Variants in SSX2IP observed in about 807,000 individuals in gnomAD.
SSX2IP encodes afadin- and alpha-actinin-binding protein.
Under a neutral mutation model 84.9 loss-of-function variants are expected in SSX2IP, and 55 were observed. The observed-to-expected ratio is 0.65, with a 90% CI of 0.52 to 0.81. The LOEUF is 0.81. Among genes scored for constraint, SSX2IP ranks in the 30% least tolerant of loss-of-function variants. The probability of loss-of-function intolerance (pLI) is 0.00; values close to 1 mark genes in which losing one functional copy is unlikely to be tolerated. For synonymous variants in SSX2IP, 239 were observed against 234.7 expected (o/e 1.02, Z -0.17); for missense variants, 664 against 705.2 (o/e 0.94, Z 0.66).
Position 84,669,749 on chromosome 1 carries a change from C to A in SSX2IP, c.358G>T (p.Val120Leu), listed in dbSNP as rs186834050. Residue 120 changes from valine to leucine, a missense_variant, in exon 4 of 14, where the codon GTG becomes TTG. Physicochemically the swap from Val to Leu is conservative, Grantham distance 32. Transcript: ENST00000342203. ...CCCAGCTTCAAATTCTGTGTCTCCA[C>A]ATTTTCCTGAGCTAGAAGGTTCTTC... ...QRKNLLAQEN[V>L]ETQNLKLGSD... The A allele has an allele frequency of 1.9e-6, 3 of 1,613,860 alleles. No individual in the cohort carries two copies. The highest frequency in any genetic ancestry group is 2.5e-6 in the Non-Finnish European group (3 of 1,179,804).
In SSX2IP at chr1:84,666,182, G is replaced by C. The variant is rs1202064069; in HGVS notation, c.477C>G (p.Asp159Glu). ...TCCTGTTCTTACATTGTAACTGTCT[G>C]TCTCTTTCCTGAAGCCCAATCATTT... is the stretch of plus-strand genomic sequence containing the variant. ...RREMIGLQER[D>E]RQLQCKNRNL... The change falls in exon 5 of 14, where the codon GAC becomes GAG. Residue 159 changes from aspartate (D) to glutamate (E), a missense_variant. Transcript: ENST00000342203. 5 of 1,612,904 alleles carry C rather than the reference G, an allele frequency of 3.1e-6. No individual in the cohort carries two copies. In the South Asian group the frequency reaches 3.3e-5, roughly 11 times the overall value.
chr1:84,682,783 G>C (rs1037226844), intron 1 of SSX2IP, among the ~76,000 whole-genome samples: 7 of 152,126 alleles, frequency 4.6e-5, no homozygotes, highest in Admixed American at 2.0e-4. Context: ...TTACAGGTGT[G>C]AGCCATCACG....
intron 1 of SSX2IP, among the ~76,000 whole-genome samples, chr1:84,682,448 T>C (rs1268375356): frequency 6.6e-6 from 1 of 152,130 alleles, no homozygotes; most frequent in Non-Finnish European, 1.5e-5. Context: ...ACATTTCTCA[T>C]AGGACCCAAT....
chr1:84,650,424 A>C lies in SSX2IP; in HGVS notation c.1608T>G (p.Ser536=). Reference sequence around the variant, plus strand: ...CTGAAGTGGAAGGTGAAGCAGGAAGAGATTTAGTAAGTTTAGACATGCAAA... The same window carrying C: ...CTGAAGTGGAAGGTGAAGCAGGAAGCGATTTAGTAAGTTTAGACATGCAAA... ...SPVCMSKLTK[S]LPASPSTSDF... is the part of the protein sequence containing the mutation. Residue 536 remains serine (S), a synonymous_variant, in exon 13 of 14, where the codon TCT becomes TCG. Coordinates refer to ENST00000342203, the MANE Select transcript of SSX2IP (RefSeq NM_001166293.2). 1.2e-6 allele frequency: 2 copies of C among 1,614,166 alleles called. No homozygotes were observed. Among genetic ancestry groups the C allele is most frequent in the Non-Finnish European group, 1.7e-6 (2 of 1,180,016 alleles).
At chr1:84,688,354 G>A (rs1656083177) in intron 1 of SSX2IP, among the ~76,000 whole-genome samples, 1 of 152,164 alleles carries the variant, frequency 6.6e-6, no homozygotes, top group Non-Finnish European at 1.5e-5. Flanking sequence ...TGCGTCATGA[G>A]CAAATGGTGA....
At chr1:84,652,736 C>G (rs1650470733) in intron 11 of SSX2IP, among the ~76,000 whole-genome samples, 1 of 136,222 alleles carries the variant, frequency 7.3e-6, no homozygotes, top group Non-Finnish European at 1.6e-5. Context: ...TCTCAAAAAG[C>G]AAAACACGGC....
chr1:84,659,453 G>A (rs2994439), intron 8 of SSX2IP, among the ~76,000 whole-genome samples: 119,426 of 152,042 alleles, frequency 0.79, 47,679 homozygotes, highest in Middle Eastern at 0.85. Context: ...AGGAAGCACA[G>A]CTTCTCTTCT....
At position 84,645,897 on chromosome 1, in the gene SSX2IP, A is replaced by G. The variant is rs1649412692; in HGVS notation, c.*1536T>C. 6.6e-6 allele frequency: 1 copy of G among 152,224 alleles called. No individual in the cohort carries two copies. Among genetic ancestry groups the G allele is most frequent in the Non-Finnish European group, 1.5e-5 (1 of 68,036 alleles). 9.4% of individuals were successfully genotyped at this position (152,224 alleles called of 1,614,324 possible). ...GCTCTTTAAAACTATAAATATGGTT[A>G]CTATGAGTATATCCACTAATGTCTC... On this transcript the variant is annotated 3_prime_UTR_variant, in exon 14 of 14. Coordinates refer to ENST00000342203, the MANE Select transcript of SSX2IP (RefSeq NM_001166293.2).
chr1:84,648,280 T>G lies in SSX2IP; in HGVS notation c.1671-673A>C, dbSNP rs767428349. On this transcript the variant is annotated intron_variant, in intron 13 of 13. Coordinates refer to ENST00000342203, the MANE Select transcript of SSX2IP (RefSeq NM_001166293.2). The stretch of plus-strand genomic sequence containing the variant: ...ACAGCTTCTCTATTAGTTATAAAAC[T>G]TTTTTCTGTTTGTTTTATTCTTAGA... Among the ~76,000 whole-genome samples the G allele has an allele frequency of 2.6e-5, 4 of 152,330 alleles. No homozygotes were observed. The South Asian group carries it at 8.3e-4, about 32-fold the overall frequency.
At chr1:84,671,439 A>C in intron 1 of SSX2IP, 131 bp from the exon 2 acceptor site, 1 of 574,190 alleles carries the variant, frequency 1.7e-6, no homozygotes, top group Non-Finnish European at 2.7e-6. Context: ...CCATGCACAG[A>C]TATAGAACAT....
intron 1 of SSX2IP, among the ~76,000 whole-genome samples, chr1:84,677,442 TCAATACACAA>T (rs891940286): frequency 6.6e-6 from 1 of 152,184 alleles, no homozygotes; most frequent in Non-Finnish European, 1.5e-5. Flanking sequence ...GAAGAGGTTC[TCAATACACAA>T]CAATACCTTG....
At position 84,650,419 on chromosome 1, in the gene SSX2IP, G is replaced by T; in HGVS notation, c.1613C>A (p.Pro538His). The change falls in exon 13 of 14, where the codon CCT (proline) becomes CAT (histidine). Residue 538 changes from proline to histidine, a missense_variant. By Grantham distance (77) the Pro-to-His change is moderately conservative (BLOSUM62 -2). Coordinates refer to ENST00000342203, the MANE Select transcript of SSX2IP (RefSeq NM_001166293.2). ...AAAGTCTGAAGTGGAAGGTGAAGCA[G>T]GAAGAGATTTAGTAAGTTTAGACAT... is the stretch of plus-strand genomic sequence containing the variant. ...VCMSKLTKSL[P>H]ASPSTSDFCQ... 6 of 1,614,168 alleles carry T rather than the reference G, an allele frequency of 3.7e-6. No homozygotes were observed. Among genetic ancestry groups the T allele is most frequent in the South Asian group, 1.1e-5 (1 of 91,086 alleles).
chr1:84,669,074 TAAAAG>T (rs555987716), intron 4 of SSX2IP, among the ~76,000 whole-genome samples: 43 of 151,716 alleles, frequency 2.8e-4, no homozygotes, highest in South Asian at 2.5e-3. Context: ...AATGAAAACA[TAAAAG>T]GAAGAAAAAG....
chr1:84,678,433 C>T (rs1361895786), intron 1 of SSX2IP, among the ~76,000 whole-genome samples: 2 of 152,182 alleles, frequency 1.3e-5, no homozygotes, highest in African/African-American at 4.8e-5. Context: ...ACATAACCTT[C>T]TCCAACTACT....
At chr1:84,670,998 T>C (rs1302036159) in intron 2 of SSX2IP, among the ~76,000 whole-genome samples, 179 bp downstream of exon 2, 1 of 152,188 alleles carries the variant, frequency 6.6e-6, no homozygotes, top group Non-Finnish European at 1.5e-5. Flanking sequence ...GATATACTTT[T>C]TTTTCCAAAA....
rs781452200 is a variant in SSX2IP at position 84,656,479 on chromosome 1, T to C, written c.1084A>G (p.Lys362Glu). Residue 362 changes from lysine to glutamate, a missense_variant, in exon 10 of 14, where the codon AAG (lysine) becomes GAG (glutamate). Transcript: ENST00000342203. ...HVEKLDNQVS[K>E]VHLEGFNDED... Reference sequence around the variant, plus strand: ...TCATTAAAACCTTCCAGGTGTACCTTTGAAACTAAGACAAAATCAGTAAGT... The same window carrying C: ...TCATTAAAACCTTCCAGGTGTACCTCTGAAACTAAGACAAAATCAGTAAGT... 9 of 1,610,880 alleles carry C rather than the reference T, an allele frequency of 5.6e-6. No homozygotes were observed. Among genetic ancestry groups the C allele is most frequent in the African/African-American group, 1.3e-5 (1 of 74,938 alleles).
In SSX2IP at chr1:84,670,834, T is replaced by C; in HGVS notation, c.44-19A>G. ...TTGCTTTCTGAAAGAATAAAAGGCA[T>C]CTATATAAATAATTTAGAAAAACGT... is the stretch of plus-strand genomic sequence containing the variant. On this transcript the variant is annotated intron_variant, in intron 2 of 13. Transcript: ENST00000342203. 6.4e-7 allele frequency: 1 copy of C among 1,570,226 alleles called. No homozygotes were observed. Among genetic ancestry groups the C allele is most frequent in the South Asian group, 1.2e-5 (1 of 83,100 alleles).
rs371820631 is a variant in SSX2IP at position 84,666,301 on chromosome 1, T to C, written c.427-69A>G. 38 of 1,126,450 alleles carry C rather than the reference T, an allele frequency of 3.4e-5. No individual in the cohort carries two copies. In the African/African-American group the frequency reaches 4.0e-4, roughly 12 times the overall value. 69.8% of individuals were successfully genotyped at this position (1,126,450 alleles called of 1,614,324 possible). A position where few individuals can be genotyped will look rare whatever the true frequency, so the allele number is the denominator to read the frequency against. On this transcript the variant is annotated intron_variant, in intron 4 of 13. Transcript: ENST00000342203. ...TTAGAATAACTGAATCCTTAAAATATCAGTAACAAGAAGTTATACATCCTA... is the reference window on the plus strand; with the variant it reads ...TTAGAATAACTGAATCCTTAAAATACCAGTAACAAGAAGTTATACATCCTA...
intron 4 of SSX2IP, 31 bp downstream of exon 4, chr1:84,669,650 T>C (rs535405907): frequency 1.3e-6 from 2 of 1,510,266 alleles, no homozygotes; most frequent in African/African-American, 1.4e-5. Context: ...TATATAATTA[T>C]GGCATTAAAA....
Sources: gnomAD v4.1 joint callset for allele counts (sites outside exome capture counted in the v4.1 genomes callset) on GRCh38, gnomAD v4.1.1 for gene constraint, MANE v1.5 for transcripts, NCBI Gene and HGNC (gene_info 2026-07-23, HGNC 2026-07-21) for gene names.